Variants in ATAD2 observed in about 807,000 individuals in gnomAD.
ATAD2 encodes the protein ATPase family AAA domain-containing protein 2.
Under a neutral mutation model 168.9 loss-of-function variants are expected in ATAD2, and 62 were observed. The ratio of observed to expected loss-of-function variants is 0.37; its 90% CI spans 0.30 to 0.45. The LOEUF is 0.45. Among genes scored for constraint, ATAD2 ranks in the 20% least tolerant of loss-of-function variants. The probability of loss-of-function intolerance (pLI) is 1.00; values close to 1 mark genes in which losing one functional copy is unlikely to be tolerated. For missense variants in ATAD2, 1,419 were observed against 1,667.8 expected (o/e 0.85, Z 2.60); for synonymous variants, 613 against 571.6 (o/e 1.07, Z -1.03).
chr8:123,346,522 C>A, intron 17 of ATAD2, 96 bp downstream of exon 17: 2 of 1,196,214 alleles, frequency 1.7e-6, no homozygotes, highest in East Asian at 2.7e-5. Context: ...AAATAAAAAG[C>A]AGATTGGTTA....
intron 2 of ATAD2, among the ~76,000 whole-genome samples, chr8:123,377,263 T>C (rs1001738589): frequency 6.6e-6 from 1 of 151,670 alleles, no homozygotes; most frequent in Non-Finnish European, 1.5e-5. Flanking sequence ...AGCAAGGCAA[T>C]ATTCTCAAAA....
rs752711821 is a variant in ATAD2 at position 123,391,034 on chromosome 8, A to G, written c.171+5153T>C. ...AAACACAGTCTCAAAAGAAAAAAAA[A>G]ACCCAAAAGTAATGTACGATCATCA... is the stretch of plus-strand genomic sequence containing the variant. On this transcript the variant is annotated intron_variant, in intron 1 of 27. Transcript: ENST00000287394. 6.3e-4 allele frequency among the ~76,000 whole-genome samples: 96 copies of G among 152,084 alleles called. 1 individual carries two copies. The highest frequency in any genetic ancestry group is 1.1e-3 in the Non-Finnish European group (73 of 68,024).
At chr8:123,397,421 A>G (rs1812907303), upstream of ATAD2, among the ~76,000 whole-genome samples, 1 of 152,212 alleles carries the variant, frequency 6.6e-6, no homozygotes, top group Non-Finnish European at 1.5e-5. Context: ...GATACCTTGG[A>G]GCCGTGCTTG....
At chr8:123,351,748 GT>G (rs987980082) in intron 13 of ATAD2, among the ~76,000 whole-genome samples, 4,272 of 134,638 alleles carry the variant, frequency 0.032, 127 homozygotes, top group African/African-American at 0.086. Context: ...AAAAACTGAT[GT>G]TTTTTTTTTT....
intron 1 of ATAD2, among the ~76,000 whole-genome samples, chr8:123,403,652 A>G (rs907740552): frequency 6.6e-6 from 1 of 151,990 alleles, no homozygotes; most frequent in Non-Finnish European, 1.5e-5. Flanking sequence ...AAGGACAGCA[A>G]AGGAAAGAAG....
At chr8:123,367,131 T>TGC (rs1217684189) in intron 8 of ATAD2, among the ~76,000 whole-genome samples, 1 of 152,084 alleles carries the variant, frequency 6.6e-6, no homozygotes, top group Admixed American at 6.6e-5. Flanking sequence ...AACCAATAAC[T>TGC]CGGCCGGGTG....
At chr8:123,343,602 T>TG (rs1392314916) in intron 19 of ATAD2, among the ~76,000 whole-genome samples, 3 of 152,188 alleles carry the variant, frequency 2.0e-5, no homozygotes, top group South Asian at 2.1e-4. Flanking sequence ...GTCAAAAGTG[T>TG]GAAAAAAAAC....
intron 4 of ATAD2, 85 bp downstream of exon 4, chr8:123,371,585 T>C: frequency 7.9e-7 from 1 of 1,262,592 alleles, no homozygotes. Flanking sequence ...GCATTAAATG[T>C]TTGGGCTGGT....
In ATAD2 at chr8:123,361,127, G is replaced by A. The variant is rs6989098; in HGVS notation, c.1157+412C>T. On this transcript the variant is annotated intron_variant, in intron 9 of 27. Transcript: ENST00000287394. ...AGGCCAGTAGTTCAAGACCAGCCTG[G>A]CCAACATGGCGAAACCTCATCTCTA... Among the ~76,000 whole-genome samples the A allele has an allele frequency of 2.1e-3, 318 of 151,848 alleles. 2 individuals carry two copies. The highest frequency in any genetic ancestry group is 7.6e-3 in the African/African-American group (313 of 41,396).
chr8:123,354,865 ATATATAT>A (rs1233917838), intron 13 of ATAD2, among the ~76,000 whole-genome samples: 5 of 53,844 alleles, frequency 9.3e-5, no homozygotes, highest in African/African-American at 5.2e-4. Context: ...AAAAAAAAAA[ATATATAT>A]ATATATATAT....
Position 123,389,972 on chromosome 8 carries a change from ATATATATATATATT to A in ATAD2, c.171+6201_171+6214del, listed in dbSNP as rs1267364489. On this transcript the variant is annotated intron_variant, in intron 1 of 27. Coordinates refer to ENST00000287394, the MANE Select transcript of ATAD2 (RefSeq NM_014109.4). ...TATTACTATTATTTTATATATATAT[ATATATATATATATT>A]TTTTTTTTTTTAGACAGAGTCTTGC... Among the ~76,000 whole-genome samples, 3 of 112,440 alleles carry A rather than the reference ATATATATATATATT, an allele frequency of 2.7e-5. 1 individual carries two copies. The highest frequency in any genetic ancestry group is 4.1e-5 in the African/African-American group (1 of 24,254). The allele number at this position is 112,440 out of a possible 152,430, so 73.8% of individuals were successfully genotyped here.
intron 1 of ATAD2, among the ~76,000 whole-genome samples, chr8:123,405,288 C>T (rs141024731): frequency 0.031 from 4,073 of 132,484 alleles, 208 homozygotes; most frequent in African/African-American, 0.11. Context: ...CGCAGTTTTG[C>T]TCTTGTTGCC....
chr8:123,366,120 C>A (rs867334770), intron 8 of ATAD2, among the ~76,000 whole-genome samples: 1 of 151,996 alleles, frequency 6.6e-6, no homozygotes, highest in East Asian at 1.9e-4. Context: ...CATGAACAGA[C>A]AATTCTTAAA....
intron 13 of ATAD2, among the ~76,000 whole-genome samples, chr8:123,353,447 G>C (rs552123981): frequency 1.2e-4 from 18 of 152,154 alleles, no homozygotes; most frequent in Non-Finnish European, 1.5e-5. Context: ...ATTTTTTTTA[G>C]GTATTTGATA....
Position 123,396,208 on chromosome 8 carries a change from C to T in ATAD2, c.150G>A (p.Ala50=), listed in dbSNP as rs370185147. Residue 50 remains alanine, a synonymous_variant, in exon 1 of 28, where the codon GCG becomes GCA. Transcript: ENST00000287394. ...RSAGAAQKKP[A]ATTAKAGDGS... ...TCACGCCCGCTTTGGCTGTGGTCGCCGCGGGTTTCTTCTGCGCCGCGCCGG... is the reference window on the plus strand; with the variant it reads ...TCACGCCCGCTTTGGCTGTGGTCGCTGCGGGTTTCTTCTGCGCCGCGCCGG... 47 of 1,587,542 alleles carry T rather than the reference C, an allele frequency of 3.0e-5. No homozygotes were observed. In the African/African-American group the frequency reaches 3.6e-4, roughly 12 times the overall value.
At chr8:123,346,903 C>T (rs1216951993) in intron 16 of ATAD2, among the ~76,000 whole-genome samples, 153 bp from the exon 17 acceptor site, 1 of 152,068 alleles carries the variant, frequency 6.6e-6, no homozygotes, top group African/African-American at 2.4e-5. Flanking sequence ...TGTAAAAATG[C>T]ACCCCAAACT....
At chr8:123,365,402 T>A (rs1472134034) in intron 8 of ATAD2, among the ~76,000 whole-genome samples, 3 of 152,008 alleles carry the variant, frequency 2.0e-5, no homozygotes, top group African/African-American at 4.8e-5. Flanking sequence ...ATACCAGCTA[T>A]CATTCTTCAC....
chr8:123,397,240 C>CAAAA (rs71310670), upstream of ATAD2, among the ~76,000 whole-genome samples: 4 of 40,002 alleles, frequency 1.0e-4, no homozygotes, highest in African/African-American at 1.9e-4. Flanking sequence ...GACTCTGTCT[C>CAAAA]AAAAAAAAAA....
At chr8:123,400,794 G>C (rs1812985606), upstream of ATAD2, 2 of 916,480 alleles carry the variant, frequency 2.2e-6, no homozygotes, top group African/African-American at 3.2e-5. This position sits in a 1 kb window ranked among gnomAD's most constrained non-coding sequence, Gnocchi z 4.5. Flanking sequence ...TGGACACTGT[G>C]ACAGAGGGCA....
Sources: gnomAD v4.1 joint callset for allele counts (sites outside exome capture counted in the v4.1 genomes callset) on GRCh38, gnomAD v4.1.1 for gene constraint, Gnocchi (gnomAD v3.1) non-coding constraint, MANE v1.5 for transcripts, NCBI Gene and HGNC (gene_info 2026-07-23, HGNC 2026-07-21) for gene names.